Variants in LYRM7 observed in about 807,000 individuals in gnomAD.
LYRM7 encodes the protein LYR motif containing 7, also known as complex III assembly factor LYRM7.
A neutral mutation model predicts 15.8 loss-of-function variants in LYRM7; 9 were observed. That is an observed-to-expected ratio of 0.57 (90% confidence interval 0.34 to 0.99). LYRM7 has a LOEUF of 0.99. Ranked by LOEUF, LYRM7 falls within the 50% of genes least tolerant of loss-of-function variation. The probability of loss-of-function intolerance (pLI) is 0.02; values close to 1 mark genes in which losing one functional copy is unlikely to be tolerated. For synonymous variants in LYRM7, 39 were observed against 39.4 expected (o/e 0.99, Z 0.04); for missense variants, 115 against 119.1 (o/e 0.97, Z 0.16).
At chr5:131,177,286 C>T (rs1041837743) in intron 1 of LYRM7, among the ~76,000 whole-genome samples, 2 of 152,154 alleles carry the variant, frequency 1.3e-5, no homozygotes, top group African/African-American at 4.8e-5. Flanking sequence ...CAAATGTTGA[C>T]TAGCATTTGT....
At chr5:131,181,225 G>A (rs549828724) in intron 2 of LYRM7, among the ~76,000 whole-genome samples, 5 of 128,796 alleles carry the variant, frequency 3.9e-5, no homozygotes, top group East Asian at 2.6e-4. Flanking sequence ...GCAGTGAGCC[G>A]AGATCATGCC....
intron 1 of LYRM7, among the ~76,000 whole-genome samples, chr5:131,176,730 C>T (rs903164744): frequency 6.6e-6 from 1 of 152,116 alleles, no homozygotes; most frequent in African/African-American, 2.4e-5. Context: ...TTCCTATCCT[C>T]CTCCCTTTTG....
chr5:131,184,740 A>G (rs1339583356), intron 3 of LYRM7, among the ~76,000 whole-genome samples: 1 of 151,356 alleles, frequency 6.6e-6, no homozygotes, highest in Non-Finnish European at 1.5e-5. Context: ...CCAGCCTTAT[A>G]TCTAGGACTT....
chr5:131,192,032 TACACACACACACACACACACACAC>T (rs60867142), intron 4 of LYRM7, among the ~76,000 whole-genome samples: 72 of 127,766 alleles, frequency 5.6e-4, no homozygotes, highest in East Asian at 5.2e-3. Context: ...ATGTGGTGCA[TACACACACACACACACACACACAC>T]ACACACACAC....
chr5:131,182,506 A>G (rs1263252686), intron 3 of LYRM7, among the ~76,000 whole-genome samples: 1 of 152,190 alleles, frequency 6.6e-6, no homozygotes, highest in Non-Finnish European at 1.5e-5. Flanking sequence ...CCCCATCAAC[A>G]GAACATGGAA....
At chr5:131,189,815 A>C (rs959555351) in intron 4 of LYRM7, among the ~76,000 whole-genome samples, 3 of 152,162 alleles carry the variant, frequency 2.0e-5, no homozygotes, top group Non-Finnish European at 4.4e-5. Context: ...AGTTACTTTT[A>C]ATTAATGGGG....
At chr5:131,172,024 G>A (rs1755530640) in intron 1 of LYRM7, among the ~76,000 whole-genome samples, 1 of 152,174 alleles carries the variant, frequency 6.6e-6, no homozygotes, top group South Asian at 2.1e-4. Flanking sequence ...TCTAGCAGGT[G>A]GGGAGACCTT....
chr5:131,197,903 A>C (rs1206084653), intron 4 of LYRM7, among the ~76,000 whole-genome samples: 3 of 147,850 alleles, frequency 2.0e-5, no homozygotes, highest in African/African-American at 5.1e-5. Context: ...TATATTTTTA[A>C]AACCTTTTTA....
chr5:131,191,386 G>A (rs1755884220), intron 4 of LYRM7, among the ~76,000 whole-genome samples: 1 of 151,994 alleles, frequency 6.6e-6, no homozygotes, highest in African/African-American at 2.4e-5. Context: ...AAAATATAAT[G>A]TCTCAAAATG....
At chr5:131,181,725 T>C (rs1755716937) in intron 2 of LYRM7, among the ~76,000 whole-genome samples, 1 of 151,874 alleles carries the variant, frequency 6.6e-6, no homozygotes, top group Non-Finnish European at 1.5e-5. Context: ...CAGTGGTATA[T>C]GTAAACAAAA....
chr5:131,184,891 C>G (rs1399897295), intron 3 of LYRM7, among the ~76,000 whole-genome samples: 1 of 152,126 alleles, frequency 6.6e-6, no homozygotes, highest in Non-Finnish European at 1.5e-5. Flanking sequence ...CCAGCTCCCT[C>G]CTTTTGATGC....
Position 131,202,566 on chromosome 5 carries a change from C to A in LYRM7, c.*2965C>A. The A allele has an allele frequency of 6.5e-6, 1 of 152,964 alleles. No homozygotes were observed. Among genetic ancestry groups the A allele is most frequent in the South Asian group, 1.8e-4 (1 of 5,462 alleles). The allele number at this position is 152,964 out of a possible 1,614,324, so 9.5% of individuals were successfully genotyped here. On this transcript the variant is annotated 3_prime_UTR_variant, in exon 5 of 5. Coordinates refer to ENST00000379380, the MANE Select transcript of LYRM7 (RefSeq NM_181705.4). The stretch of plus-strand genomic sequence containing the variant: ...CCCAGGCTGGAGTGCAGTAGCTATT[C>A]ATAGGCACAGTCATAGCACACTGCA...
At chr5:131,182,664 A>C (rs1173010057) in intron 3 of LYRM7, among the ~76,000 whole-genome samples, 1 of 152,218 alleles carries the variant, frequency 6.6e-6, no homozygotes, top group Admixed American at 6.5e-5. Context: ...TAACTGAACT[A>C]AGCGGTTAGA....
At chr5:131,197,209 T>C (rs1755979852) in intron 4 of LYRM7, among the ~76,000 whole-genome samples, 1 of 152,216 alleles carries the variant, frequency 6.6e-6, no homozygotes. Context: ...GACTATTATA[T>C]ATTCACCTTC....
Position 131,199,304 on chromosome 5 carries a change from G to A in LYRM7, c.245-227G>A, listed in dbSNP as rs942196360. Among the ~76,000 whole-genome samples, 5 of 152,034 alleles carry A rather than the reference G, an allele frequency of 3.3e-5. No individual in the cohort carries two copies. In the South Asian group the frequency reaches 8.3e-4, roughly 25 times the overall value. ...GATTTGCTATATTTAATGATAAAGG[G>A]TTAAGTGGATCATATATGTTTTTAT... is the stretch of plus-strand genomic sequence containing the variant. On this transcript the variant is annotated intron_variant, in intron 4 of 4. Coordinates refer to ENST00000379380, the MANE Select transcript of LYRM7 (RefSeq NM_181705.4).
At chr5:131,183,337 C>T (rs1755743068) in intron 3 of LYRM7, among the ~76,000 whole-genome samples, 1 of 151,900 alleles carries the variant, frequency 6.6e-6, no homozygotes, top group Non-Finnish European at 1.5e-5. Context: ...TTAAAATGAC[C>T]ATATAATCAA....
intron 4 of LYRM7, among the ~76,000 whole-genome samples, chr5:131,194,038 A>C (rs35879878): frequency 1.6e-4 from 25 of 152,254 alleles, no homozygotes; most frequent in African/African-American, 5.5e-4. Flanking sequence ...CTTTTTATTG[A>C]TATATCTAAT....
rs1034578808 is a variant in LYRM7 at position 131,201,614 on chromosome 5, G to T, written c.*2013G>T. 1.3e-5 allele frequency: 2 copies of T among 152,218 alleles called. No individual in the cohort carries two copies. Among genetic ancestry groups the T allele is most frequent in the African/African-American group, 4.8e-5 (2 of 41,422 alleles). 9.4% of individuals were successfully genotyped at this position (152,218 alleles called of 1,614,324 possible). A position where few individuals can be genotyped will look rare whatever the true frequency, so the allele number is the denominator to read the frequency against. On this transcript the variant is annotated 3_prime_UTR_variant, in exon 5 of 5. Coordinates refer to ENST00000379380, the MANE Select transcript of LYRM7 (RefSeq NM_181705.4). The stretch of plus-strand genomic sequence containing the variant: ...CATGTCTGTAATCCCAGCTACTCGG[G>T]AGACTGAGGCAGGAGAATTGCTTGA...
chr5:131,203,139 G>T lies in LYRM7; in HGVS notation c.*3538G>T, dbSNP rs1476572363. ...AAACACAAAGCCATAGGTCAACAAA[G>T]AAATGAAGATTCCAGTTCTGAAGGT... is the stretch of plus-strand genomic sequence containing the variant. On this transcript the variant is annotated 3_prime_UTR_variant, in exon 5 of 5. Coordinates refer to ENST00000379380, the MANE Select transcript of LYRM7 (RefSeq NM_181705.4). 4 of 152,304 alleles carry T rather than the reference G, an allele frequency of 2.6e-5. No individual in the cohort carries two copies. Among genetic ancestry groups the T allele is most frequent in the Admixed American group, 2.0e-4 (3 of 15,276 alleles). 9.4% of individuals were successfully genotyped at this position (152,304 alleles called of 1,614,324 possible).
Sources: gnomAD v4.1 joint callset for allele counts (sites outside exome capture counted in the v4.1 genomes callset) on GRCh38, gnomAD v4.1.1 for gene constraint, MANE v1.5 for transcripts, NCBI Gene and HGNC (gene_info 2026-07-23, HGNC 2026-07-21) for gene names.